Variants in TRHDE observed in about 807,000 individuals in gnomAD.
The protein encoded by TRHDE is thyrotropin releasing hormone degrading enzyme, also known as thyrotropin-releasing hormone-degrading ectoenzyme.
In TRHDE, 72 loss-of-function variants were observed where a neutral mutation model predicts 125.7. The observed-to-expected ratio is 0.57, with a 90% CI of 0.47 to 0.70. The LOEUF is 0.70. TRHDE is among the 30% of genes least tolerant of loss of function. The pLI, the probability that TRHDE is intolerant of heterozygous loss-of-function variation, is 0.00. For synonymous variants in TRHDE, 509 were observed against 509.1 expected (o/e 1.00, Z 0.00); for missense variants, 1,110 against 1,327.1 (o/e 0.84, Z 2.54).
In TRHDE at chr12:72,273,807, G is replaced by A; in HGVS notation, c.914+250G>A. 1 of 482,330 alleles carries A rather than the reference G, an allele frequency of 2.1e-6. No individual in the cohort carries two copies. Among genetic ancestry groups the A allele is most frequent in the East Asian group, 3.1e-5 (1 of 32,510 alleles). 29.9% of individuals were successfully genotyped at this position (482,330 alleles called of 1,614,324 possible). On this transcript the variant is annotated intron_variant, in intron 1 of 18. Coordinates refer to ENST00000261180, the MANE Select transcript of TRHDE (RefSeq NM_013381.3). This position sits in a 1 kb window ranked among gnomAD's most constrained non-coding sequence, Gnocchi z 5.3. Reference sequence around the variant, plus strand: ...ATGAATGCTGCCCCCTCCTCTAGTCGGGACCTCTCCTCTTCCTGTCAGAGT... The same window carrying A: ...ATGAATGCTGCCCCCTCCTCTAGTCAGGACCTCTCCTCTTCCTGTCAGAGT...
At chr12:72,111,169 C>T (rs1010611568) in intron 2 of TRHDE, among the ~76,000 whole-genome samples, 1 of 152,128 alleles carries the variant, frequency 6.6e-6, no homozygotes, top group Non-Finnish European at 1.5e-5. Context: ...TGAACGTTAA[C>T]TCATGTTTCA....
chr12:72,621,076 C>A, intron 13 of TRHDE, 32 bp from the exon 14 acceptor site: 1 of 1,248,470 alleles, frequency 8.0e-7, no homozygotes, highest in Non-Finnish European at 1.2e-6. Flanking sequence ...TTTAAACTGA[C>A]CTTATCTTTA....
At chr12:72,615,668 G>A (rs1872786606) in intron 12 of TRHDE, among the ~76,000 whole-genome samples, 1 of 152,042 alleles carries the variant, frequency 6.6e-6, no homozygotes, top group African/African-American at 2.4e-5. Flanking sequence ...AGCAGAAGGA[G>A]GGCAATTTGA....
chr12:72,326,071 C>A (rs1358812356), intron 2 of TRHDE, among the ~76,000 whole-genome samples: 1 of 152,024 alleles, frequency 6.6e-6, no homozygotes, highest in Non-Finnish European at 1.5e-5. Flanking sequence ...TTTGGAGGGT[C>A]TTTTCTTTTT....
intron 2 of TRHDE, among the ~76,000 whole-genome samples, chr12:72,117,096 A>G (rs1476360309): frequency 6.6e-6 from 1 of 151,998 alleles, no homozygotes; most frequent in African/African-American, 2.4e-5. Context: ...AGCTGAACGT[A>G]ATCCCATTTT....
rs776146271 is a variant in TRHDE, at chr12:72,473,203, A to C, written c.1584+23A>C. On this transcript the variant is annotated intron_variant, in intron 5 of 18. Coordinates refer to ENST00000261180, the MANE Select transcript of TRHDE (RefSeq NM_013381.3). ...ATGGTAAGTGCACTTGAATTATTTG[A>C]AACTTTTAGTAAAAGGCCGATCTAG... 3.1e-6 allele frequency: 5 copies of C among 1,590,376 alleles called. No individual in the cohort carries two copies. The South Asian group carries it at 5.5e-5, about 18-fold the overall frequency.
chr12:72,304,101 T>G (rs1868303840), intron 2 of TRHDE, among the ~76,000 whole-genome samples: 1 of 152,168 alleles, frequency 6.6e-6, no homozygotes, highest in Admixed American at 6.6e-5. Flanking sequence ...GTTAAATAGC[T>G]TCTATCTGGT....
chr12:72,251,592 T>G (rs1412998433), intron 2 of TRHDE, among the ~76,000 whole-genome samples: 1 of 152,110 alleles, frequency 6.6e-6, no homozygotes, highest in East Asian at 1.9e-4. Context: ...ACGGTTCCAA[T>G]TTTTGGCTAC....
At chr12:72,562,054 CT>C in intron 7 of TRHDE, 110 bp from the exon 8 acceptor site, 1 of 518,056 alleles carries the variant, frequency 1.9e-6, no homozygotes, top group Non-Finnish European at 3.5e-6. Context: ...TTTTTATGTC[CT>C]TTTTTATTAA....
At chr12:72,094,182 G>C (rs1176941988) in intron 1 of TRHDE, among the ~76,000 whole-genome samples, 1 of 152,092 alleles carries the variant, frequency 6.6e-6, no homozygotes, top group Admixed American at 6.5e-5. Context: ...CAGTAGGACT[G>C]GTGCTAGAAT....
At chr12:72,400,616 A>G (rs1319507311) in intron 3 of TRHDE, among the ~76,000 whole-genome samples, 2 of 152,192 alleles carry the variant, frequency 1.3e-5, no homozygotes, top group Non-Finnish European at 2.9e-5. Flanking sequence ...CCATGTATTT[A>G]TAAGTAACTT....
Position 72,273,357 on chromosome 12 carries a change from GC to G in TRHDE, c.715del (p.Leu239TrpfsTer12), listed in dbSNP as rs1565679802. On this transcript the variant is annotated frameshift_variant, in exon 1 of 19. Transcript: ENST00000261180. LOFTEE classifies it high-confidence loss of function. The surrounding 1 kb of genome is among the most constrained non-coding windows in gnomAD (Gnocchi z 5.3). ...CCCGAGTGGCGGTGGAGAAAGTGCA[GC>G]TGGCCGAGGACCGGGCGTTCGGGGC... ...ASRVAVEKVQ[L>X]AEDRAFGAVP... 6.2e-7 allele frequency: 1 copy of G among 1,614,134 alleles called. No individual in the cohort carries two copies. Among genetic ancestry groups the G allele is most frequent in the Non-Finnish European group, 8.5e-7 (1 of 1,180,046 alleles).
At chr12:72,229,213 A>G (rs1191448829) in intron 2 of TRHDE, among the ~76,000 whole-genome samples, 1 of 152,224 alleles carries the variant, frequency 6.6e-6, no homozygotes, top group Non-Finnish European at 1.5e-5. Flanking sequence ...AAAGAAGTTT[A>G]ATGGACTCAC....
In TRHDE at chr12:72,663,128, A is replaced by G. The variant is rs749763834; in HGVS notation, c.3143A>G (p.Asn1048Ser). 1.2e-5 allele frequency: 20 copies of G among 1,613,158 alleles called. No individual in the cohort carries two copies. Among genetic ancestry groups the G allele is most frequent in the Non-Finnish European group, 1.7e-5 (20 of 1,179,544 alleles). Residue 1048 changes from asparagine to serine, a missense_variant, in exon 19 of 19, where the codon AAT becomes AGT. Physicochemically the swap from Asn to Ser is conservative, Grantham distance 46 (BLOSUM62 1). Coordinates refer to ENST00000261180, the MANE Select transcript of TRHDE (RefSeq NM_013381.3). Reference sequence around the variant, plus strand: ...CGAGCTGTGGAAACTGTCGAAGCCAATGTGCGCTGGAAAATGCTTTACCAA... The same window carrying G: ...CGAGCTGTGGAAACTGTCGAAGCCAGTGTGCGCTGGAAAATGCTTTACCAA... ...FSRAVETVEA[N>S]VRWKMLYQDE...
At chr12:72,580,928 T>G (rs1246328582) in intron 12 of TRHDE, among the ~76,000 whole-genome samples, 1 of 152,056 alleles carries the variant, frequency 6.6e-6, no homozygotes, top group East Asian at 1.9e-4. Context: ...CATTAAGGAG[T>G]AAAGAATTAG....
chr12:72,640,111 C>T lies in TRHDE; in HGVS notation c.2676-12211C>T, dbSNP rs535605480. Among the ~76,000 whole-genome samples the T allele has an allele frequency of 1.9e-4, 29 of 152,310 alleles. No homozygotes were observed. The South Asian group carries it at 2.1e-3, about 11-fold the overall frequency. ...GACGCCCCTCCCCCAGCCTCGCTGC[C>T]GCCTTGCAGTTTGATCTCAGACTGC... On this transcript the variant is annotated intron_variant, in intron 15 of 18. Coordinates refer to ENST00000261180, the MANE Select transcript of TRHDE (RefSeq NM_013381.3).
chr12:72,093,515 T>C (rs1478141141), intron 1 of TRHDE, among the ~76,000 whole-genome samples: 1 of 152,106 alleles, frequency 6.6e-6, no homozygotes, highest in Non-Finnish European at 1.5e-5. Context: ...TCCTTTTCAT[T>C]CTTTTTTCTT....
chr12:72,389,568 C>A (rs1214323679), intron 3 of TRHDE, among the ~76,000 whole-genome samples: 2 of 152,184 alleles, frequency 1.3e-5, no homozygotes, highest in Non-Finnish European at 2.9e-5. Context: ...CTTTTCCTGG[C>A]TTGCAGATGG....
chr12:72,448,842 T>C (rs1875431619), intron 3 of TRHDE, among the ~76,000 whole-genome samples: 1 of 151,946 alleles, frequency 6.6e-6, no homozygotes, highest in African/African-American at 2.4e-5. Context: ...TTACTTTTTT[T>C]TTTTGTATGT....
Sources: gnomAD v4.1 joint callset for allele counts (sites outside exome capture counted in the v4.1 genomes callset) on GRCh38, gnomAD v4.1.1 for gene constraint, Gnocchi (gnomAD v3.1) non-coding constraint, MANE v1.5 for transcripts, NCBI Gene and HGNC (gene_info 2026-07-23, HGNC 2026-07-21) for gene names.